The following C10orf90 variants were observed in gnomAD, a reference collection of about 807,000 sequenced individuals.
The protein encoded by C10orf90 is chromosome 10 open reading frame 90, also known as (E2-independent) E3 ubiquitin-conjugating enzyme FATS.
C10orf90 carries 56 observed loss-of-function variants against 62.5 expected under a neutral mutation model. The observed-to-expected ratio is 0.90, with a 90% CI of 0.72 to 1.12. The LOEUF (loss-of-function observed/expected upper bound fraction) is 1.12. Ranked by LOEUF, C10orf90 falls within the 50% of genes most tolerant of loss-of-function variation. The pLI is 0.00. For missense variants in C10orf90, 970 were observed against 880.4 expected, an observed-to-expected ratio of 1.10 and a Z score of -1.29; for synonymous variants, 386 against 340.4, an observed-to-expected ratio of 1.13 and a Z score of -1.47.
intron 4 of C10orf90, among the ~76,000 whole-genome samples, chr10:126,483,935 C>A (rs796794749): frequency 5.3e-5 from 8 of 152,278 alleles, no homozygotes; most frequent in African/African-American, 1.9e-4. Context: ...ATGCACTTAC[C>A]CATCCCACTC....
intron 2 of C10orf90, among the ~76,000 whole-genome samples, chr10:126,601,356 G>T (rs564527015): frequency 6.6e-6 from 1 of 152,198 alleles, no homozygotes; most frequent in South Asian, 2.1e-4. Context: ...CCCCCAAAAA[G>T]TAACTATGTG....
intron 1 of C10orf90, among the ~76,000 whole-genome samples, chr10:126,649,870 G>A (rs1846257002): frequency 6.6e-6 from 1 of 152,172 alleles, no homozygotes; most frequent in African/African-American, 2.4e-5. Context: ...CACCATGGTG[G>A]GTGTTAATGA....
At chr10:126,662,897 T>C in intron 1 of C10orf90, among the ~76,000 whole-genome samples, 1 of 151,928 alleles carries the variant, frequency 6.6e-6, no homozygotes, top group Non-Finnish European at 1.5e-5. Flanking sequence ...GTTCTCTGGA[T>C]CCACAATCTG....
chr10:126,485,301 T>A (rs1861370183), intron 4 of C10orf90, among the ~76,000 whole-genome samples: 1 of 152,202 alleles, frequency 6.6e-6, no homozygotes, highest in African/African-American at 2.4e-5. Context: ...GAACTGTGAA[T>A]AATAAATTTG....
rs1462467237 is a variant in C10orf90, at chr10:126,503,961, C to T, written c.1530G>A (p.Arg510=). ...LSIHIPGWSY[R]AVHTKVFSGS... is the part of the protein sequence containing the mutation. ...GCAGATGGACGCACCACTCACCTGC[C>T]CTGTAACTCCAGCCAGGAATGTGAA... Residue 510 remains arginine (R), a synonymous_variant, in exon 4 of 10, where the codon AGG becomes AGA. Coordinates refer to ENST00000488181, the MANE Select transcript of C10orf90 (RefSeq NM_001350921.2). 2 of 1,608,940 alleles carry T rather than the reference C, an allele frequency of 1.2e-6. No homozygotes were observed. The highest frequency in any genetic ancestry group is 3.3e-5 in the Admixed American group (2 of 59,876).
intron 4 of C10orf90, among the ~76,000 whole-genome samples, chr10:126,476,082 G>T (rs1250350959): frequency 2.0e-5 from 3 of 152,102 alleles, no homozygotes; most frequent in African/African-American, 7.2e-5. Context: ...TCCATTACAA[G>T]ATCTAGAAAC....
At chr10:126,501,557 T>G (rs750958660) in intron 4 of C10orf90, among the ~76,000 whole-genome samples, 3 of 152,150 alleles carry the variant, frequency 2.0e-5, no homozygotes, top group Non-Finnish European at 4.4e-5. Flanking sequence ...GCTGAAATTT[T>G]TTAAGCTTGA....
intron 7 of C10orf90, among the ~76,000 whole-genome samples, chr10:126,433,429 A>T (rs1051182239): frequency 2.6e-5 from 4 of 152,214 alleles, no homozygotes; most frequent in African/African-American, 9.6e-5. Context: ...TGGGTCATGA[A>T]GTAGAGAGAG....
intron 4 of C10orf90, among the ~76,000 whole-genome samples, chr10:126,467,533 G>A (rs977947274): frequency 6.6e-6 from 1 of 152,122 alleles, no homozygotes; most frequent in Non-Finnish European, 1.5e-5. Context: ...TGGCCATCTC[G>A]AGAGCAGCCT....
intron 1 of C10orf90, among the ~76,000 whole-genome samples, chr10:126,668,850 T>C (rs1423445445): frequency 6.6e-6 from 1 of 152,238 alleles, no homozygotes; most frequent in Admixed American, 6.5e-5. Context: ...GTGACTGTCA[T>C]ATATTTGAAG....
At chr10:126,515,068 A>G (rs1158828120) in intron 2 of C10orf90, among the ~76,000 whole-genome samples, 1 of 152,248 alleles carries the variant, frequency 6.6e-6, no homozygotes, top group African/African-American at 2.4e-5. Flanking sequence ...TCAACTCATC[A>G]AAAAGTTTCA....
At chr10:126,531,032 G>T (rs1360621315) in intron 2 of C10orf90, among the ~76,000 whole-genome samples, 4 of 151,824 alleles carry the variant, frequency 2.6e-5, no homozygotes, top group Non-Finnish European at 5.9e-5. Context: ...AAATTAGCCG[G>T]GTGTGGTGGC....
intron 7 of C10orf90, among the ~76,000 whole-genome samples, chr10:126,444,091 C>G (rs191724795): frequency 6.6e-6 from 1 of 152,078 alleles, no homozygotes; most frequent in African/African-American, 2.4e-5. Context: ...AAGTTGAAAG[C>G]ATTCCCTCTG....
At chr10:126,569,127 G>A (rs537676686) in intron 2 of C10orf90, among the ~76,000 whole-genome samples, 3 of 152,202 alleles carry the variant, frequency 2.0e-5, no homozygotes, top group East Asian at 3.9e-4. Context: ...GAGCAGTAGT[G>A]GGGGGTTTCA....
chr10:126,483,614 A>G (rs937687831), intron 4 of C10orf90, among the ~76,000 whole-genome samples: 1 of 152,256 alleles, frequency 6.6e-6, no homozygotes, highest in African/African-American at 2.4e-5. Context: ...CATAAGATGT[A>G]TTCTTATAAG....
intron 6 of C10orf90, among the ~76,000 whole-genome samples, chr10:126,459,831 C>T (rs1053429993): frequency 1.3e-5 from 2 of 152,184 alleles, no homozygotes; most frequent in African/African-American, 4.8e-5. Flanking sequence ...CCACTCCCAC[C>T]TCCATGCACT....
chr10:126,575,384 T>C (rs997690209), intron 2 of C10orf90, among the ~76,000 whole-genome samples: 30 of 151,966 alleles, frequency 2.0e-4, no homozygotes, highest in Admixed American at 1.9e-3. Context: ...GAAAGACCTC[T>C]GCAAGGAAAA....
At chr10:126,479,988 C>G (rs1017629081) in intron 4 of C10orf90, among the ~76,000 whole-genome samples, 3 of 152,126 alleles carry the variant, frequency 2.0e-5, no homozygotes, top group Admixed American at 1.3e-4. Context: ...AAAAATATAT[C>G]CCATCTTTTC....
intron 2 of C10orf90, among the ~76,000 whole-genome samples, chr10:126,592,947 T>C (rs1004664956): frequency 6.6e-6 from 1 of 152,160 alleles, no homozygotes; most frequent in Non-Finnish European, 1.5e-5. Flanking sequence ...AAGCTCAACT[T>C]CACTGATCAT....
Sources: allele counts gnomAD v4.1 joint callset (sites outside exome capture counted in the v4.1 genomes callset), GRCh38; gene constraint gnomAD v4.1.1; transcripts MANE v1.5; gene names NCBI Gene and HGNC (gene_info 2026-07-23, HGNC 2026-07-21).